Variants in LUZP2 observed in about 807,000 individuals in gnomAD.
LUZP2 encodes the protein leucine zipper protein 2.
A neutral mutation model predicts 51.6 loss-of-function variants in LUZP2; 52 were observed. The observed-to-expected ratio is 1.01, with a 90% CI of 0.81 to 1.27. The LOEUF is 1.27. Ranked by LOEUF, LUZP2 falls within the 50% of genes most tolerant of loss-of-function variation. The probability of loss-of-function intolerance (pLI) is 0.00; values close to 1 mark genes in which losing one functional copy is unlikely to be tolerated. For missense variants in LUZP2, 436 were observed against 395.4 expected (o/e 1.10, Z -0.87); for synonymous variants, 154 against 137.3 (o/e 1.12, Z -0.85).
At chr11:24,914,419 C>T in intron 6 of LUZP2, 57 bp from the exon 7 acceptor site, 1 of 1,275,492 alleles carries the variant, frequency 7.8e-7, no homozygotes, top group South Asian at 1.2e-5. Flanking sequence ...GTATTTTAAT[C>T]TTCAAGTTTG....
intron 1 of LUZP2, among the ~76,000 whole-genome samples, chr11:24,685,208 AACT>A (rs1856862341): frequency 6.6e-6 from 1 of 152,102 alleles, no homozygotes; most frequent in Admixed American, 6.6e-5. Context: ...TTCCAAAGCC[AACT>A]TTCTTACCAA....
chr11:24,828,584 C>T (rs1410835525), intron 5 of LUZP2, among the ~76,000 whole-genome samples: 1 of 149,866 alleles, frequency 6.7e-6, no homozygotes, highest in Non-Finnish European at 1.5e-5. Context: ...AACATATCTA[C>T]TAATATTACC....
chr11:24,687,299 A>G (rs1269825301), intron 1 of LUZP2, among the ~76,000 whole-genome samples: 1 of 152,194 alleles, frequency 6.6e-6, no homozygotes, highest in Non-Finnish European at 1.5e-5. Context: ...CTTTTCGGGA[A>G]TTTTATCAGT....
intron 1 of LUZP2, among the ~76,000 whole-genome samples, chr11:24,576,428 A>T (rs1852651054): frequency 6.6e-6 from 1 of 151,296 alleles, no homozygotes; most frequent in South Asian, 2.1e-4. Flanking sequence ...AAAAAAAAAA[A>T]AAAAAAGGAA....
rs146837859 is a variant in LUZP2 at position 24,515,493 on chromosome 11, G to T, written c.62+18188G>T. On this transcript the variant is annotated intron_variant, in intron 1 of 11. Transcript: ENST00000336930. ...AGGAAATAATGTTAAGTGCTTGGGAGCCCAGATGCATTAAAGAAAATACAT... is the reference window on the plus strand; with the variant it reads ...AGGAAATAATGTTAAGTGCTTGGGATCCCAGATGCATTAAAGAAAATACAT... Among the ~76,000 whole-genome samples the T allele has an allele frequency of 4.7e-3, 716 of 152,242 alleles. 5 individuals carry two copies. The highest frequency in any genetic ancestry group is 0.016 in the African/African-American group (683 of 41,536).
At chr11:25,016,530 A>G (rs908503344) in intron 9 of LUZP2, among the ~76,000 whole-genome samples, 23 of 152,034 alleles carry the variant, frequency 1.5e-4, no homozygotes, top group African/African-American at 5.6e-4. Context: ...ATATACATAT[A>G]TATGTATATA....
At chr11:25,004,698 C>T (rs919019986) in intron 9 of LUZP2, among the ~76,000 whole-genome samples, 4 of 152,116 alleles carry the variant, frequency 2.6e-5, no homozygotes, top group African/African-American at 9.7e-5. Context: ...CATTGAATAA[C>T]TCATGGGCTT....
intron 7 of LUZP2, among the ~76,000 whole-genome samples, chr11:24,943,655 A>G (rs1042266377): frequency 4.6e-5 from 7 of 152,244 alleles, no homozygotes; most frequent in Non-Finnish European, 1.0e-4. Flanking sequence ...AGGTGGACAG[A>G]TCACTTGAGG....
At chr11:24,976,059 G>T (rs1194182677) in intron 7 of LUZP2, among the ~76,000 whole-genome samples, 1 of 151,840 alleles carries the variant, frequency 6.6e-6, no homozygotes, top group East Asian at 1.9e-4. Context: ...CCCTCACTTG[G>T]CCTATCCACC....
intron 5 of LUZP2, among the ~76,000 whole-genome samples, chr11:24,855,217 T>C (rs759231019): frequency 6.6e-6 from 1 of 152,154 alleles, no homozygotes; most frequent in Non-Finnish European, 1.5e-5. Flanking sequence ...AAATTAGACC[T>C]AGAAAACTCT....
At position 24,693,575 on chromosome 11, in the gene LUZP2, A is replaced by G. The variant is rs199856662; in HGVS notation, c.63-35594A>G. On this transcript the variant is annotated intron_variant, in intron 1 of 11. Transcript: ENST00000336930. Reference sequence around the variant, plus strand: ...CACAAAGAAAGTTTAAAACTCAACAATAAAACAAGGAAAACTAGAGATCTT... The same window carrying G: ...CACAAAGAAAGTTTAAAACTCAACAGTAAAACAAGGAAAACTAGAGATCTT... 4.6e-5 allele frequency among the ~76,000 whole-genome samples: 7 copies of G among 152,126 alleles called. No individual in the cohort carries two copies. The East Asian group carries it at 9.6e-4, about 21-fold the overall frequency.
intron 7 of LUZP2, among the ~76,000 whole-genome samples, chr11:24,928,041 G>C (rs1854332416): frequency 6.6e-6 from 1 of 151,942 alleles, no homozygotes; most frequent in South Asian, 2.1e-4. Context: ...TTATCAGTTT[G>C]ATCACTGTTG....
intron 1 of LUZP2, among the ~76,000 whole-genome samples, chr11:24,608,801 T>G (rs897314393): frequency 7.2e-5 from 11 of 152,226 alleles, no homozygotes; most frequent in Non-Finnish European, 1.6e-4. Context: ...ATGATACAAT[T>G]ATCTTCCAAA....
chr11:24,781,152 T>G (rs941987960), intron 5 of LUZP2, among the ~76,000 whole-genome samples: 9 of 152,122 alleles, frequency 5.9e-5, no homozygotes, highest in African/African-American at 2.2e-4. Context: ...ACCTCTTATT[T>G]TTATTTCATT....
chr11:24,693,321 G>A (rs1255272732), intron 1 of LUZP2, among the ~76,000 whole-genome samples: 1 of 151,440 alleles, frequency 6.6e-6, no homozygotes, highest in African/African-American at 2.4e-5. Flanking sequence ...ATACATCACA[G>A]AGGCAGCTGA....
In LUZP2 at chr11:25,081,895, A is replaced by G. The variant is rs1040235427; in HGVS notation, c.*3237A>G. On this transcript the variant is annotated 3_prime_UTR_variant, in exon 12 of 12. Transcript: ENST00000336930. ...TAATAGAGGTACAACCAGAACCAAC[A>G]ATTGTATTTCTCTATAGTTATTTTA... 22 of 152,264 alleles carry G rather than the reference A, an allele frequency of 1.4e-4. No individual in the cohort carries two copies. The East Asian group carries it at 4.0e-3, about 28-fold the overall frequency. 9.4% of individuals were successfully genotyped at this position (152,264 alleles called of 1,614,324 possible).
At chr11:24,766,290 C>A (rs1021075235) in intron 5 of LUZP2, among the ~76,000 whole-genome samples, 7 of 152,012 alleles carry the variant, frequency 4.6e-5, no homozygotes, top group African/African-American at 9.7e-5. Flanking sequence ...TTCCTTGCAT[C>A]AAATAATCAT....
intron 10 of LUZP2, among the ~76,000 whole-genome samples, chr11:25,053,659 A>C (rs1383681061): frequency 6.6e-6 from 1 of 151,008 alleles, no homozygotes; most frequent in Admixed American, 6.6e-5. Context: ...AAACCATTTT[A>C]TTGTGTGGTG....
At chr11:24,895,715 TCC>T (rs1296985990) in intron 5 of LUZP2, among the ~76,000 whole-genome samples, 1 of 152,222 alleles carries the variant, frequency 6.6e-6, no homozygotes, top group East Asian at 1.9e-4. Context: ...TGCATAGTAT[TCC>T]ATGGTGTATA....
Sources: allele counts gnomAD v4.1 joint callset (sites outside exome capture counted in the v4.1 genomes callset), GRCh38; gene constraint gnomAD v4.1.1; transcripts MANE v1.5; gene names NCBI Gene and HGNC (gene_info 2026-07-23, HGNC 2026-07-21).